TNFRSF11A: variants seen among roughly 807,000 people sequenced by gnomAD.
The protein encoded by TNFRSF11A is tumor necrosis factor receptor superfamily member 11A.
A neutral mutation model predicts 55.7 loss-of-function variants in TNFRSF11A; 32 were observed. That is an observed-to-expected ratio of 0.57 (90% CI 0.43 to 0.77). The LOEUF is 0.77. Ranked by LOEUF, TNFRSF11A falls within the 30% of genes least tolerant of loss-of-function variation. The probability of loss-of-function intolerance (pLI) is 0.00; values close to 1 mark genes in which losing one functional copy is unlikely to be tolerated. For synonymous variants in TNFRSF11A, 311 were observed against 331.0 expected (o/e 0.94, Z 0.65); for missense variants, 753 against 809.8 (o/e 0.93, Z 0.85).
At position 62,325,965 on chromosome 18, in the gene TNFRSF11A, C is replaced by T. The variant is rs2046068265; in HGVS notation, c.75+538C>T. Among the ~76,000 whole-genome samples the T allele has an allele frequency of 1.3e-5, 2 of 152,202 alleles. No homozygotes were observed. Among genetic ancestry groups the T allele is most frequent in the South Asian group, 4.1e-4 (2 of 4,828 alleles). ...TGCCAGCTCGCCTGGAGGCCCCGCA[C>T]GGCGGGGAGAGACTGCGCGCGCGCC... On this transcript the variant is annotated intron_variant, in intron 1 of 9. Coordinates refer to ENST00000586569, the MANE Select transcript of TNFRSF11A (RefSeq NM_003839.4). This position sits in a 1 kb window ranked among gnomAD's most constrained non-coding sequence, Gnocchi z 4.7.
intron 1 of TNFRSF11A, among the ~76,000 whole-genome samples, chr18:62,332,628 T>C (rs2046171730): frequency 6.6e-6 from 1 of 152,234 alleles, no homozygotes. Flanking sequence ...GGTCAATGTC[T>C]TCTTTATTTT....
rs577671689 is a variant in TNFRSF11A at position 62,350,032 on chromosome 18, G to A, written c.283+95G>A. The A allele has an allele frequency of 4.7e-5, 73 of 1,544,356 alleles. No individual in the cohort carries two copies. In the African/African-American group the frequency reaches 8.9e-4, roughly 19 times the overall value. The stretch of plus-strand genomic sequence containing the variant: ...TTTTAGAGGCAGCCAATGATGTTTC[G>A]TTTCAGGAACATGAAAGGAAGTTGT... On this transcript the variant is annotated intron_variant, in intron 3 of 9. Coordinates refer to ENST00000586569, the MANE Select transcript of TNFRSF11A (RefSeq NM_003839.4).
intron 1 of TNFRSF11A, among the ~76,000 whole-genome samples, chr18:62,339,874 G>T (rs1282734131): frequency 6.6e-6 from 1 of 152,206 alleles, no homozygotes; most frequent in Non-Finnish European, 1.5e-5. Flanking sequence ...CAGTATGTGT[G>T]TGGGGAGAGG....
At position 62,388,538 on chromosome 18, in the gene TNFRSF11A, G is replaced by A. The variant is rs1027388859; in HGVS notation, c.*3504G>A. 1 of 152,266 alleles carries A rather than the reference G, an allele frequency of 6.6e-6. No homozygotes were observed. Among genetic ancestry groups the A allele is most frequent in the South Asian group, 2.1e-4 (1 of 4,832 alleles). 9.4% of individuals were successfully genotyped at this position (152,266 alleles called of 1,614,324 possible). ...TGTCCACCACAGGGCACTGCGTGGA[G>A]TAAAATGCTGCAGAGAAGAGTGCAT... On this transcript the variant is annotated 3_prime_UTR_variant, in exon 10 of 10. Coordinates refer to ENST00000586569, the MANE Select transcript of TNFRSF11A (RefSeq NM_003839.4).
chr18:62,374,504 T>C (rs886160969), intron 9 of TNFRSF11A, among the ~76,000 whole-genome samples: 5 of 152,250 alleles, frequency 3.3e-5, no homozygotes, highest in Non-Finnish European at 5.9e-5. Flanking sequence ...TATTTGTGTA[T>C]ATTTTTAGTT....
intron 9 of TNFRSF11A, among the ~76,000 whole-genome samples, chr18:62,380,767 C>A (rs1911223778): frequency 6.6e-6 from 1 of 151,428 alleles, no homozygotes; most frequent in Admixed American, 6.6e-5. Context: ...CTAGTTTTTG[C>A]CCTTCCACAA....
rs146429289 is a variant in TNFRSF11A at position 62,343,649 on chromosome 18, T to G, written c.76-4519T>G. Among the ~76,000 whole-genome samples the G allele has an allele frequency of 2.1e-3, 326 of 152,290 alleles. 2 individuals carry two copies. The highest frequency in any genetic ancestry group is 7.4e-3 in the African/African-American group (307 of 41,562). ...TTGCACAGACTGTGGACATGGTTAT[T>G]CTAGAAGAGTCCATCAGCCGTTAAG... is the stretch of plus-strand genomic sequence containing the variant. On this transcript the variant is annotated intron_variant, in intron 1 of 9. Coordinates refer to ENST00000586569, the MANE Select transcript of TNFRSF11A (RefSeq NM_003839.4).
In TNFRSF11A at chr18:62,386,481, A is replaced by G. The variant is rs1407314478; in HGVS notation, c.*1447A>G. On this transcript the variant is annotated 3_prime_UTR_variant, in exon 10 of 10. Transcript: ENST00000586569. ...TCTTGGCATCATCCCGCTTGTGAGA[A>G]GCCTAGAGGACGCTCCAGGTGGAAG... is the stretch of plus-strand genomic sequence containing the variant. The G allele has an allele frequency of 6.6e-6, 1 of 152,204 alleles. No individual in the cohort carries two copies. Among genetic ancestry groups the G allele is most frequent in the Non-Finnish European group, 1.5e-5 (1 of 68,036 alleles). 9.4% of individuals were successfully genotyped at this position (152,204 alleles called of 1,614,324 possible).
intron 9 of TNFRSF11A, chr18:62,374,251 C>G (rs538567516): frequency 6.6e-6 from 1 of 152,260 alleles, no homozygotes; most frequent in African/African-American, 2.4e-5. Flanking sequence ...ACTGATAGGG[C>G]TCATTTTGGA....
At chr18:62,361,867 G>A in intron 7 of TNFRSF11A, 74 bp downstream of exon 7, 1 of 1,318,038 alleles carries the variant, frequency 7.6e-7, no homozygotes, top group Non-Finnish European at 1.1e-6. Context: ...TGGAAGTTGA[G>A]TAGATTGTCT....
In TNFRSF11A at chr18:62,369,372, C is replaced by G; in HGVS notation, c.1455C>G (p.Ser485Arg). ...GCCTTCCCCCTGAAGAAGAAGCCAG[C>G]AGGACGGAGGCCAGAGACCAGCCCG... ...GMGLPPEEEA[S>R]RTEARDQPED... The change falls in exon 9 of 10, where the codon AGC becomes AGG. Residue 485 changes from serine to arginine, a missense_variant. By Grantham distance (110) the Ser-to-Arg change is moderately radical. This residue lies in a region of TNFRSF11A where 567 missense variants were observed against 596.7 expected (regional missense o/e 0.95). Transcript: ENST00000586569. 1 of 1,610,776 alleles carries G rather than the reference C, an allele frequency of 6.2e-7. No homozygotes were observed. Among genetic ancestry groups the G allele is most frequent in the South Asian group, 1.1e-5 (1 of 90,914 alleles).
intron 1 of TNFRSF11A, among the ~76,000 whole-genome samples, chr18:62,328,313 G>A (rs1415530723): frequency 6.6e-6 from 1 of 151,948 alleles, no homozygotes; most frequent in Non-Finnish European, 1.5e-5. Context: ...AGATGTGTGG[G>A]AAACCAGAGG....
rs1911751360 is a variant in TNFRSF11A, at chr18:62,386,552, G to A, written c.*1518G>A. 1 of 152,194 alleles carries A rather than the reference G, an allele frequency of 6.6e-6. No homozygotes were observed. Among genetic ancestry groups the A allele is most frequent in the Non-Finnish European group, 1.5e-5 (1 of 68,036 alleles). 9.4% of individuals were successfully genotyped at this position (152,194 alleles called of 1,614,324 possible). ...ATCTTTTGTTACCCAGTGAGCACTG[G>A]TTCCCCGCAAATACTGGGGAAAAGC... is the stretch of plus-strand genomic sequence containing the variant. On this transcript the variant is annotated 3_prime_UTR_variant, in exon 10 of 10. Transcript: ENST00000586569.
chr18:62,333,187 G>T (rs2046180548), intron 1 of TNFRSF11A, among the ~76,000 whole-genome samples: 1 of 152,180 alleles, frequency 6.6e-6, no homozygotes, highest in Non-Finnish European at 1.5e-5. Context: ...ATCACAAAGG[G>T]CTTGCGAATA....
chr18:62,327,098 A>G (rs1244877693), intron 1 of TNFRSF11A, among the ~76,000 whole-genome samples: 1 of 152,194 alleles, frequency 6.6e-6, no homozygotes, highest in African/African-American at 2.4e-5. Flanking sequence ...CACATAAAAG[A>G]TTCTCAGGCA....
At chr18:62,341,528 A>T (rs564651427) in intron 1 of TNFRSF11A, among the ~76,000 whole-genome samples, 1 of 152,272 alleles carries the variant, frequency 6.6e-6, no homozygotes, top group African/African-American at 2.4e-5. Context: ...TCAGGGAATG[A>T]CTGGATGGAA....
At chr18:62,382,180 G>A (rs969662339) in intron 9 of TNFRSF11A, among the ~76,000 whole-genome samples, 1 of 128,114 alleles carries the variant, frequency 7.8e-6, no homozygotes, top group African/African-American at 3.0e-5. Context: ...GCGCGATCTT[G>A]ACTCACTGCA....
intron 9 of TNFRSF11A, among the ~76,000 whole-genome samples, chr18:62,379,447 C>T (rs889850758): frequency 2.0e-5 from 3 of 152,110 alleles, no homozygotes; most frequent in Non-Finnish European, 4.4e-5. Context: ...TTAACTATTA[C>T]GTTAACTGGC....
chr18:62,371,946 A>G (rs1180272594), intron 9 of TNFRSF11A, among the ~76,000 whole-genome samples: 1 of 152,038 alleles, frequency 6.6e-6, no homozygotes, highest in Non-Finnish European at 1.5e-5. Context: ...TTGGATTTTT[A>G]TATGAGAGGA....
Sources: allele counts gnomAD v4.1 joint callset (sites outside exome capture counted in the v4.1 genomes callset), GRCh38; gene constraint gnomAD v4.1.1; regional missense constraint gnomAD v4.1.1; non-coding constraint Gnocchi (gnomAD v3.1); transcripts MANE v1.5; gene names NCBI Gene and HGNC (gene_info 2026-07-23, HGNC 2026-07-21).